SCAMP1: variants seen among roughly 807,000 people sequenced by gnomAD.
The protein encoded by SCAMP1 is secretory carrier-associated membrane protein 1.
In SCAMP1, 15 loss-of-function variants were observed where a neutral mutation model predicts 41.8. The observed-to-expected ratio is 0.36, with a 90% CI of 0.24 to 0.55. The LOEUF (loss-of-function observed/expected upper bound fraction) is 0.55. Among genes scored for constraint, SCAMP1 ranks in the 20% least tolerant of loss-of-function variants. SCAMP1 has a pLI of 0.86. For missense variants in SCAMP1, 341 were observed against 412.6 expected, an observed-to-expected ratio of 0.83 and a Z score of 1.50; for synonymous variants, 135 against 136.8, an observed-to-expected ratio of 0.99 and a Z score of 0.09.
At chr5:78,431,431 A>G (rs572340911) in intron 6 of SCAMP1, among the ~76,000 whole-genome samples, 3 of 151,628 alleles carry the variant, frequency 2.0e-5, no homozygotes, top group African/African-American at 7.2e-5. Flanking sequence ...TATGCCATTT[A>G]TATTTAATAT....
At chr5:78,444,382 G>A (rs990289753) in intron 6 of SCAMP1, among the ~76,000 whole-genome samples, 2 of 152,214 alleles carry the variant, frequency 1.3e-5, no homozygotes, top group Non-Finnish European at 1.5e-5. Flanking sequence ...CATGGTGGCA[G>A]GCAAGAGAGT....
Position 78,436,379 on chromosome 5 carries a change from C to T in SCAMP1, c.633-13554C>T, listed in dbSNP as rs546817217. Among the ~76,000 whole-genome samples, 56 of 152,248 alleles carry T rather than the reference C, an allele frequency of 3.7e-4. 1 individual carries two copies. The South Asian group carries it at 8.7e-3, about 24-fold the overall frequency. Reference sequence around the variant, plus strand: ...TAGGTCTAACATTTAAGTCTTTAATCCATCTTGAATTAATTTTTGTATAAG... The same window carrying T: ...TAGGTCTAACATTTAAGTCTTTAATTCATCTTGAATTAATTTTTGTATAAG... On this transcript the variant is annotated intron_variant, in intron 6 of 8. Coordinates refer to ENST00000621999, the MANE Select transcript of SCAMP1 (RefSeq NM_004866.6).
At chr5:78,441,015 A>C (rs184013951) in intron 6 of SCAMP1, among the ~76,000 whole-genome samples, 3 of 152,230 alleles carry the variant, frequency 2.0e-5, no homozygotes, top group African/African-American at 7.2e-5. Context: ...AGCCAGGCAC[A>C]GGATATAATC....
At chr5:78,400,520 C>T (rs936766084) in intron 2 of SCAMP1, among the ~76,000 whole-genome samples, 6 of 152,074 alleles carry the variant, frequency 3.9e-5, no homozygotes, top group African/African-American at 9.7e-5. Context: ...TTTTATTCTT[C>T]TTTGATTTCT....
At position 78,434,419 on chromosome 5, in the gene SCAMP1, TC is replaced by T. The variant is rs1208769591; in HGVS notation, c.632+12460del. Reference sequence around the variant, plus strand: ...TAGAAACAGTGGTCTTTTCCACTTTTCTACGTCCTAAGCTGAAGCCTTCCCC... The same window carrying T: ...TAGAAACAGTGGTCTTTTCCACTTTTTACGTCCTAAGCTGAAGCCTTCCCC... On this transcript the variant is annotated intron_variant, in intron 6 of 8. Transcript: ENST00000621999. Among the ~76,000 whole-genome samples the T allele has an allele frequency of 2.0e-5, 3 of 152,308 alleles. No homozygotes were observed. The East Asian group carries it at 5.8e-4, about 29-fold the overall frequency.
At chr5:78,458,238 C>G (rs2112228376) in intron 7 of SCAMP1, among the ~76,000 whole-genome samples, 1 of 152,292 alleles carries the variant, frequency 6.6e-6, no homozygotes, top group African/African-American at 2.4e-5. Flanking sequence ...AAGAAACAGA[C>G]AAACTGTTCT....
intron 1 of SCAMP1, 92 bp from the exon 2 acceptor site, chr5:78,388,745 A>G (rs936006214): frequency 3.2e-6 from 2 of 621,606 alleles, no homozygotes; most frequent in East Asian, 3.0e-5. Context: ...CTGCATGACC[A>G]CAAGTATAGA....
intron 1 of SCAMP1, among the ~76,000 whole-genome samples, chr5:78,369,564 G>T (rs775715631): frequency 5.3e-5 from 8 of 152,180 alleles, no homozygotes; most frequent in Non-Finnish European, 1.2e-4. Context: ...GAATACTACC[G>T]TAGTGTGACG....
At chr5:78,464,311 T>A (rs944026517) in intron 8 of SCAMP1, among the ~76,000 whole-genome samples, 1 of 152,102 alleles carries the variant, frequency 6.6e-6, no homozygotes, top group African/African-American at 2.4e-5. Context: ...GCCTGGCTAA[T>A]TTTTGTATTT....
At chr5:78,419,138 T>G (rs1218481618) in intron 5 of SCAMP1, among the ~76,000 whole-genome samples, 1 of 152,190 alleles carries the variant, frequency 6.6e-6, no homozygotes, top group Non-Finnish European at 1.5e-5. Flanking sequence ...GGCATTCTTT[T>G]GAGGAAAAGA....
At chr5:78,404,257 C>A in intron 2 of SCAMP1, among the ~76,000 whole-genome samples, 1 of 151,864 alleles carries the variant, frequency 6.6e-6, no homozygotes, top group Non-Finnish European at 1.5e-5. Flanking sequence ...TTTAATATTT[C>A]ACTGCAGCCT....
intron 6 of SCAMP1, among the ~76,000 whole-genome samples, chr5:78,424,447 G>A (rs993908308): frequency 6.6e-6 from 1 of 151,936 alleles, no homozygotes; most frequent in East Asian, 1.9e-4. Flanking sequence ...TTGTAACTTG[G>A]GGCTGGGCAT....
rs1039724016 is a variant in SCAMP1, at chr5:78,451,076, C to T, written c.734+1042C>T. 3.3e-5 allele frequency among the ~76,000 whole-genome samples: 5 copies of T among 151,786 alleles called. No individual in the cohort carries two copies. The East Asian group carries it at 5.8e-4, about 18-fold the overall frequency. On this transcript the variant is annotated intron_variant, in intron 7 of 8. Coordinates refer to ENST00000621999, the MANE Select transcript of SCAMP1 (RefSeq NM_004866.6). ...AACAGCACGAGGTTTTTTTAATTCT[C>T]GTGAAAGTGAGGTAATTTCTTTCGC... is the stretch of plus-strand genomic sequence containing the variant.
At chr5:78,379,588 T>A (rs1009940797) in intron 1 of SCAMP1, among the ~76,000 whole-genome samples, 5 of 152,232 alleles carry the variant, frequency 3.3e-5, no homozygotes, top group Non-Finnish European at 7.3e-5. Flanking sequence ...AGGATTAAAT[T>A]TCTAGAATCT....
intron 1 of SCAMP1, 58 bp from the exon 2 acceptor site, chr5:78,388,779 C>T: frequency 1.1e-6 from 1 of 926,544 alleles, no homozygotes; most frequent in Non-Finnish European, 1.7e-6. Flanking sequence ...ATGTAAATAT[C>T]AAAATTATTT....
intron 6 of SCAMP1, among the ~76,000 whole-genome samples, chr5:78,438,681 G>A (rs1038053222): frequency 6.6e-6 from 1 of 152,198 alleles, no homozygotes; most frequent in African/African-American, 2.4e-5. Flanking sequence ...TGAGAAGAAT[G>A]TATATTCTGT....
intron 6 of SCAMP1, among the ~76,000 whole-genome samples, chr5:78,449,634 AAAG>A (rs1351914613): frequency 2.0e-5 from 3 of 152,214 alleles, no homozygotes; most frequent in South Asian, 2.1e-4. Context: ...CTGTTTAATA[AAAG>A]AAGAAAACGA....
intron 6 of SCAMP1, among the ~76,000 whole-genome samples, chr5:78,448,364 G>A (rs1326979886): frequency 6.7e-6 from 1 of 149,480 alleles, no homozygotes; most frequent in African/African-American, 2.4e-5. Flanking sequence ...GAAAAGACAA[G>A]CAACAGACGG....
intron 6 of SCAMP1, among the ~76,000 whole-genome samples, chr5:78,433,263 AGT>A (rs1752666327): frequency 6.6e-6 from 1 of 152,174 alleles, no homozygotes; most frequent in Non-Finnish European, 1.5e-5. Context: ...CATACTTGAC[AGT>A]GTGTCTTTTT....
Sources: gnomAD v4.1 joint callset for allele counts (sites outside exome capture counted in the v4.1 genomes callset) on GRCh38, gnomAD v4.1.1 for gene constraint, MANE v1.5 for transcripts, NCBI Gene and HGNC (gene_info 2026-07-23, HGNC 2026-07-21) for gene names.